ERN1: variants seen among roughly 807,000 people sequenced by gnomAD.
ERN1 encodes the protein endoplasmic reticulum to nucleus signaling 1.
Under a neutral mutation model 113.1 loss-of-function variants are expected in ERN1, and 39 were observed. That is an observed-to-expected ratio of 0.34 (90% CI 0.27 to 0.45). The LOEUF is 0.45. ERN1 is among the 20% of genes least tolerant of loss of function. ERN1 has a pLI of 1.00. For missense variants in ERN1, 976 were observed against 1,274.8 expected (o/e 0.77, Z 3.57); for synonymous variants, 507 against 515.9 (o/e 0.98, Z 0.23).
chr17:64,073,906 G>A (rs891449288), intron 5 of ERN1, among the ~76,000 whole-genome samples: 1 of 151,994 alleles, frequency 6.6e-6, no homozygotes, highest in African/African-American at 2.4e-5. Flanking sequence ...ACCCTCCCAA[G>A]GTACTGGGAT....
chr17:64,093,356 C>A (rs1221579670), intron 2 of ERN1, among the ~76,000 whole-genome samples: 1 of 152,144 alleles, frequency 6.6e-6, no homozygotes, highest in African/African-American at 2.4e-5. Flanking sequence ...TGCAGTACAC[C>A]CCTGCCTGGC....
At chr17:64,061,093 G>A (rs1489554689) in intron 10 of ERN1, among the ~76,000 whole-genome samples, 5 of 152,188 alleles carry the variant, frequency 3.3e-5, no homozygotes, top group African/African-American at 1.2e-4. Context: ...CGAGAAAGCA[G>A]TAGGACACAC....
chr17:64,051,836 G>A (rs2143330388), intron 17 of ERN1, among the ~76,000 whole-genome samples: 1 of 152,318 alleles, frequency 6.6e-6, no homozygotes, highest in South Asian at 2.1e-4. Flanking sequence ...ATTTGAATAT[G>A]GATTGAATAT....
intron 2 of ERN1, among the ~76,000 whole-genome samples, chr17:64,096,842 A>G (rs947439078): frequency 6.6e-6 from 1 of 152,228 alleles, no homozygotes; most frequent in Non-Finnish European, 1.5e-5. Context: ...CATTATGTGC[A>G]GGGAAAAGCA....
rs1367109406 is a variant in ERN1 at position 64,049,747 on chromosome 17, G to C, written c.2254-545C>G. Among the ~76,000 whole-genome samples the C allele has an allele frequency of 6.6e-6, 1 of 152,226 alleles. No individual in the cohort carries two copies. Among genetic ancestry groups the C allele is most frequent in the Non-Finnish European group, 1.5e-5 (1 of 68,038 alleles). On this transcript the variant is annotated intron_variant, in intron 17 of 21. Transcript: ENST00000433197. This position sits in a 1 kb window ranked among gnomAD's most constrained non-coding sequence, Gnocchi z 4.7. ...TCTGACAAGTTACCAAGGAGGTCAT[G>C]TTTGATGTTAATCCGAGAAAGCCTC...
At chr17:64,076,781 T>A (rs1913606346) in intron 4 of ERN1, among the ~76,000 whole-genome samples, 1 of 152,140 alleles carries the variant, frequency 6.6e-6, no homozygotes, top group African/African-American at 2.4e-5. Context: ...TTGTATTTTT[T>A]AGTAGAGACG....
intron 4 of ERN1, 123 bp from the exon 5 acceptor site, chr17:64,075,370 G>A (rs1028548860): frequency 1.2e-6 from 1 of 806,330 alleles, no homozygotes; most frequent in African/African-American, 1.8e-5. Context: ...CTTTGCAGAT[G>A]AGAGTTTTCC....
At chr17:64,086,450 C>T (rs917175447) in intron 2 of ERN1, among the ~76,000 whole-genome samples, 1 of 151,892 alleles carries the variant, frequency 6.6e-6, no homozygotes, top group African/African-American at 2.4e-5. Context: ...TATCATAGTT[C>T]GCTCTTTTTT....
In ERN1 at chr17:64,047,948, A is replaced by C. The variant is rs1274919636; in HGVS notation, c.2439T>G (p.Ile813Met). Reference protein sequence around the residue: ...VIARELIEKMIAMDPQKRPSA... With the variant: ...VIARELIEKMMAMDPQKRPSA... ...AGGGGCGTTTCTGAGGATCCATCGCAATCATCTTCTCTATCAATTCACGTG... is the reference window on the plus strand; with the variant it reads ...AGGGGCGTTTCTGAGGATCCATCGCCATCATCTTCTCTATCAATTCACGTG... Residue 813 changes from isoleucine to methionine, a missense_variant, in exon 19 of 22, where the codon ATT (isoleucine) becomes ATG (methionine). Ile to Met is a conservative substitution (Grantham distance 10). This residue lies in a region of ERN1 where 297 missense variants were observed against 457.8 expected (regional missense o/e 0.65). Coordinates refer to ENST00000433197, the MANE Select transcript of ERN1 (RefSeq NM_001433.5). 1.2e-6 allele frequency: 2 copies of C among 1,613,504 alleles called. No individual in the cohort carries two copies. The highest frequency in any genetic ancestry group is 3.3e-5 in the Admixed American group (2 of 60,020).
Position 64,075,251 on chromosome 17 carries a change from T to TAAAA in ERN1, c.283-8_283-5dup, listed in dbSNP as rs5821420. 1.8e-3 allele frequency: 2,311 copies of TAAAA among 1,285,602 alleles called. 2 individuals carry two copies. Among genetic ancestry groups the TAAAA allele is most frequent in the Non-Finnish European group, 2.1e-3 (2,014 of 978,280 alleles). 79.6% of individuals were successfully genotyped at this position (1,285,602 alleles called of 1,614,324 possible). ...CTGGGATGGTAAAAGGAAGTTTCTT[T>TAAAA]AAAAAAAAAAAAAAAGAAAAAAAAA... On this transcript the variant is annotated splice_polypyrimidine_tract_variant and splice_region_variant and intron_variant, in intron 4 of 21. Transcript: ENST00000433197.
chr17:64,128,344 A>G (rs1915138294), intron 1 of ERN1, among the ~76,000 whole-genome samples: 2 of 152,162 alleles, frequency 1.3e-5, no homozygotes, highest in Non-Finnish European at 2.9e-5. Context: ...ACGCTAAACT[A>G]TAACCTTTTG....
intron 5 of ERN1, among the ~76,000 whole-genome samples, chr17:64,074,813 C>T (rs1270541090): frequency 2.0e-5 from 3 of 152,178 alleles, no homozygotes; most frequent in South Asian, 2.1e-4. Context: ...ACTAAGAAAG[C>T]GCTATAATTA....
chr17:64,047,534 A>C (rs1038314780), intron 19 of ERN1, among the ~76,000 whole-genome samples: 1 of 152,212 alleles, frequency 6.6e-6, no homozygotes, highest in Non-Finnish European at 1.5e-5. Flanking sequence ...TATGTATTAT[A>C]TATTTGGAAA....
At chr17:64,115,517 C>T (rs912820617) in intron 1 of ERN1, among the ~76,000 whole-genome samples, 6 of 152,348 alleles carry the variant, frequency 3.9e-5, no homozygotes, top group Admixed American at 3.9e-4. Flanking sequence ...GACTTGGCAG[C>T]ATATCCAGGT....
In ERN1 at chr17:64,130,039, T is replaced by A; in HGVS notation, c.-10A>T. 1 of 1,412,154 alleles carries A rather than the reference T, an allele frequency of 7.1e-7. No individual in the cohort carries two copies. Among genetic ancestry groups the A allele is most frequent in the Admixed American group, 3.1e-5 (1 of 32,020 alleles). 87.5% of individuals were successfully genotyped at this position (1,412,154 alleles called of 1,614,324 possible). A position where few individuals can be genotyped will look rare whatever the true frequency, so the allele number is the denominator to read the frequency against. ...GCCGCCGGGCCGGCATGGCGAGGAC[T>A]CGGCCCTGGCTCCGGGGGCGGTACG... On this transcript the variant is annotated 5_prime_UTR_variant, in exon 1 of 22. Transcript: ENST00000433197. This position sits in a 1 kb window ranked among gnomAD's most constrained non-coding sequence, Gnocchi z 4.0.
intron 1 of ERN1, among the ~76,000 whole-genome samples, chr17:64,124,912 T>G (rs1455441462): frequency 1.3e-5 from 2 of 152,118 alleles, no homozygotes. Flanking sequence ...ATATAAGAGG[T>G]CCAGAATAGG....
Position 64,054,601 on chromosome 17 carries a change from G to A in ERN1, c.1763+137C>T, listed in dbSNP as rs2143338900. 8.2e-6 allele frequency: 8 copies of A among 979,068 alleles called. No individual in the cohort carries two copies. The South Asian group carries it at 1.3e-4, about 16-fold the overall frequency. The allele number at this position is 979,068 out of a possible 1,614,324, so 60.6% of individuals were successfully genotyped here. A position where few individuals can be genotyped will look rare whatever the true frequency, so the allele number is the denominator to read the frequency against. On this transcript the variant is annotated intron_variant, in intron 14 of 21. Coordinates refer to ENST00000433197, the MANE Select transcript of ERN1 (RefSeq NM_001433.5). This position sits in a 1 kb window ranked among gnomAD's most constrained non-coding sequence, Gnocchi z 4.9. ...AATCATCGCTTGTCTCAGTGTGCAA[G>A]CTCCCTGGAGGCCGGACTCCATGCG...
rs115697972 is a variant in ERN1 at position 64,061,756 on chromosome 17, A to G, written c.1088-1169T>C. Among the ~76,000 whole-genome samples the G allele has an allele frequency of 4.4e-3, 668 of 152,304 alleles. 3 individuals carry two copies. Among genetic ancestry groups the G allele is most frequent in the African/African-American group, 0.015 (638 of 41,556 alleles). Reference sequence around the variant, plus strand: ...GGTAGGGCCCAGGAATCCGAATGTGAGTATGTGCGGGTAACTCTGAGGCTC... The same window carrying G: ...GGTAGGGCCCAGGAATCCGAATGTGGGTATGTGCGGGTAACTCTGAGGCTC... On this transcript the variant is annotated intron_variant, in intron 10 of 21. Coordinates refer to ENST00000433197, the MANE Select transcript of ERN1 (RefSeq NM_001433.5).
chr17:64,096,714 T>C (rs1027113284), intron 2 of ERN1, among the ~76,000 whole-genome samples: 1 of 152,218 alleles, frequency 6.6e-6, no homozygotes, highest in Non-Finnish European at 1.5e-5. Context: ...CAGCTCTAAG[T>C]TAGAAGAGAA....
Sources: allele counts gnomAD v4.1 joint callset (sites outside exome capture counted in the v4.1 genomes callset), GRCh38; gene constraint gnomAD v4.1.1; regional missense constraint gnomAD v4.1.1; non-coding constraint Gnocchi (gnomAD v3.1); transcripts MANE v1.5; gene names NCBI Gene and HGNC (gene_info 2026-07-23, HGNC 2026-07-21).